Variants in SORCS1 observed in about 807,000 individuals in gnomAD.
SORCS1 encodes VPS10 domain-containing receptor SorCS1.
A neutral mutation model predicts 146.1 loss-of-function variants in SORCS1; 60 were observed. The ratio of observed to expected loss-of-function variants is 0.41; its 90% CI spans 0.33 to 0.51. The LOEUF (loss-of-function observed/expected upper bound fraction) is 0.51. SORCS1 is among the 20% of genes least tolerant of loss of function. The probability of loss-of-function intolerance (pLI) is 0.21; values close to 1 mark genes in which losing one functional copy is unlikely to be tolerated. For synonymous variants in SORCS1, 637 were observed against 584.0 expected, an observed-to-expected ratio of 1.09 and a Z score of -1.31; for missense variants, 1,352 against 1,487.6, an observed-to-expected ratio of 0.91 and a Z score of 1.50.
intron 3 of SORCS1, among the ~76,000 whole-genome samples, chr10:106,827,155 A>G (rs1948341497): frequency 3.3e-5 from 5 of 150,556 alleles, no homozygotes; most frequent in African/African-American, 1.2e-4. Flanking sequence ...GATCATCACC[A>G]TATATTCTGC....
intron 4 of SORCS1, among the ~76,000 whole-genome samples, chr10:106,768,211 C>T (rs1589835844): frequency 6.6e-6 from 1 of 152,274 alleles, no homozygotes; most frequent in Middle Eastern, 3.4e-3. Flanking sequence ...TACTTGGATA[C>T]TTAAATTACT....
chr10:106,883,659 C>A (rs1009267775), intron 2 of SORCS1, among the ~76,000 whole-genome samples: 3 of 152,192 alleles, frequency 2.0e-5, no homozygotes, highest in Non-Finnish European at 4.4e-5. Context: ...GTGATCCACC[C>A]GCCTCAGCCT....
chr10:107,154,802 A>G (rs551760734), intron 1 of SORCS1, among the ~76,000 whole-genome samples: 1 of 152,358 alleles, frequency 6.6e-6, no homozygotes, highest in Admixed American at 6.5e-5. Context: ...TTGATGATTT[A>G]GTATATGCCA....
intron 2 of SORCS1, among the ~76,000 whole-genome samples, chr10:106,841,449 G>A (rs566319538): frequency 6.6e-6 from 1 of 150,698 alleles, no homozygotes; most frequent in East Asian, 2.0e-4. Context: ...CAGCCTGGGC[G>A]ACAGAGTGAG....
chr10:106,923,298 A>C (rs187245168), intron 2 of SORCS1, among the ~76,000 whole-genome samples: 33 of 152,328 alleles, frequency 2.2e-4, no homozygotes, highest in Admixed American at 1.9e-3. Flanking sequence ...CTTAGTAATA[A>C]GCATTTAATT....
intron 2 of SORCS1, among the ~76,000 whole-genome samples, chr10:106,887,724 T>C (rs1951054461): frequency 6.6e-6 from 1 of 152,222 alleles, no homozygotes; most frequent in South Asian, 2.1e-4. Flanking sequence ...AGAATCACTC[T>C]TAAAAGGATC....
At chr10:107,138,228 C>T (rs764782429) in intron 1 of SORCS1, among the ~76,000 whole-genome samples, 2 of 152,190 alleles carry the variant, frequency 1.3e-5, no homozygotes, top group Non-Finnish European at 2.9e-5. Flanking sequence ...TCATGACTAA[C>T]CATTCTTATT....
intron 2 of SORCS1, among the ~76,000 whole-genome samples, chr10:106,848,876 T>G (rs1051113838): frequency 2.0e-5 from 3 of 147,116 alleles, no homozygotes; most frequent in Admixed American, 1.4e-4. Flanking sequence ...AAATTCTGGG[T>G]TGAAAATTCT....
chr10:106,578,862 GC>G, intron 25 of SORCS1: 1 of 1,379,354 alleles, frequency 7.2e-7, no homozygotes. Context: ...GGAGGGTTTT[GC>G]AAAAGGAGGA....
At chr10:107,164,738 C>A (rs999137853), upstream of SORCS1, among the ~76,000 whole-genome samples, 4 of 149,858 alleles carry the variant, frequency 2.7e-5, no homozygotes, top group East Asian at 2.0e-4. This position sits in a 1 kb window ranked among gnomAD's most constrained non-coding sequence, Gnocchi z 6.8. Context: ...AGCGAGCCGC[C>A]GCCGCGCGGG....
Position 107,034,691 on chromosome 10 carries a change from A to AC in SORCS1, c.559-78112_559-78111insG, listed in dbSNP as rs1554926193. ...GCGAAACTCCATCTCAAAAAAAAAA[A>AC]AAAAAAAAAAAAAAAACAATGTTCA... On this transcript the variant is annotated intron_variant, in intron 1 of 25. Transcript: ENST00000263054. Among the ~76,000 whole-genome samples, 76 of 144,728 alleles carry AC rather than the reference A, an allele frequency of 5.3e-4. 1 individual carries two copies. The highest frequency in any genetic ancestry group is 7.5e-4 in the Non-Finnish European group (49 of 65,606). 94.9% of individuals were successfully genotyped at this position (144,728 alleles called of 152,430 possible). A position where few individuals can be genotyped will look rare whatever the true frequency, so the allele number is the denominator to read the frequency against.
At chr10:107,110,672 T>C (rs1366888991) in intron 1 of SORCS1, among the ~76,000 whole-genome samples, 1 of 139,260 alleles carries the variant, frequency 7.2e-6, no homozygotes, top group Admixed American at 8.0e-5. Context: ...CAACGTGAGA[T>C]TTCAGTGGTG....
chr10:106,825,880 A>C (rs2136971694), intron 3 of SORCS1, among the ~76,000 whole-genome samples: 1 of 152,274 alleles, frequency 6.6e-6, no homozygotes, highest in South Asian at 2.1e-4. Context: ...TTGAAAGAAC[A>C]ATCTAGGCTA....
At chr10:107,139,053 C>A (rs1967576679) in intron 1 of SORCS1, among the ~76,000 whole-genome samples, 1 of 152,202 alleles carries the variant, frequency 6.6e-6, no homozygotes, top group South Asian at 2.1e-4. Context: ...TTTCTCCAAT[C>A]TAATTTGTGT....
chr10:106,923,669 T>C (rs180701039), intron 2 of SORCS1, among the ~76,000 whole-genome samples: 13 of 152,316 alleles, frequency 8.5e-5, no homozygotes, highest in Non-Finnish European at 1.3e-4. Flanking sequence ...CTAATAAGTG[T>C]TAGTGGCTAT....
At chr10:106,904,059 T>C (rs747425826) in intron 2 of SORCS1, among the ~76,000 whole-genome samples, 1 of 152,228 alleles carries the variant, frequency 6.6e-6, no homozygotes, top group Non-Finnish European at 1.5e-5. Context: ...GATAAATTAA[T>C]TGGCAACGCC....
At chr10:106,924,120 G>A (rs549706977) in intron 2 of SORCS1, among the ~76,000 whole-genome samples, 1 of 152,226 alleles carries the variant, frequency 6.6e-6, no homozygotes, top group South Asian at 2.1e-4. Context: ...CGGGCGTGGA[G>A]GCACATGCCT....
intron 1 of SORCS1, among the ~76,000 whole-genome samples, chr10:107,030,896 T>TGCCCC (rs1958621830): frequency 6.6e-6 from 1 of 152,172 alleles, no homozygotes; most frequent in Non-Finnish European, 1.5e-5. Flanking sequence ...GAAGAATGAA[T>TGCCCC]GAAAAGGGTC....
intron 1 of SORCS1, among the ~76,000 whole-genome samples, chr10:107,066,686 A>C (rs893323986): frequency 5.3e-5 from 8 of 152,138 alleles, no homozygotes; most frequent in Admixed American, 1.3e-4. Flanking sequence ...TTATTTTTTT[A>C]ACACTGTCCA....
Sources: allele counts gnomAD v4.1 joint callset (sites outside exome capture counted in the v4.1 genomes callset), GRCh38; gene constraint gnomAD v4.1.1; non-coding constraint Gnocchi (gnomAD v3.1); transcripts MANE v1.5; gene names NCBI Gene and HGNC (gene_info 2026-07-23, HGNC 2026-07-21).